Variants in ADARB2 observed in about 807,000 individuals in gnomAD.
ADARB2 encodes the protein adenosine deaminase RNA specific B2 (inactive).
A neutral mutation model predicts 62.2 loss-of-function variants in ADARB2; 25 were observed. The observed-to-expected ratio is 0.40, with a 90% confidence interval of 0.29 to 0.56. The LOEUF is 0.56. Among genes scored for constraint, ADARB2 ranks in the 20% least tolerant of loss-of-function variants. The pLI, the probability that ADARB2 is intolerant of heterozygous loss-of-function variation, is 0.43. For missense variants in ADARB2, 1,071 were observed against 1,077.4 expected (o/e 0.99, Z 0.08); for synonymous variants, 572 against 500.8 (o/e 1.14, Z -1.90).
chr10:1,583,955 G>C (rs1453151823), intron 1 of ADARB2, among the ~76,000 whole-genome samples: 1 of 152,130 alleles, frequency 6.6e-6, no homozygotes, highest in Admixed American at 6.5e-5. Context: ...AATGAGTCCA[G>C]ACACAAATCT....
At chr10:1,290,872 G>GTTTTT (rs1042427247) in intron 3 of ADARB2, 1 of 152,154 alleles carries the variant, frequency 6.6e-6, no homozygotes, top group African/African-American at 2.4e-5. Context: ...GCATATTTCT[G>GTTTTT]TTTTTTTGTG....
At chr10:1,310,450 G>T (rs950852715) in intron 3 of ADARB2, among the ~76,000 whole-genome samples, 2 of 152,216 alleles carry the variant, frequency 1.3e-5, no homozygotes, top group Non-Finnish European at 1.5e-5. Context: ...TTCCTTGGAT[G>T]AAAGAAAAAC....
At chr10:1,720,086 C>T (rs573599410) in intron 1 of ADARB2, among the ~76,000 whole-genome samples, 4 of 152,138 alleles carry the variant, frequency 2.6e-5, no homozygotes, top group South Asian at 2.1e-4. Flanking sequence ...ATATGTTCAT[C>T]GCAGCACTAT....
At chr10:1,530,853 TCAGCACTCAGGTCTCAGCACTCAGCACC>T (rs1401894099) in intron 1 of ADARB2, among the ~76,000 whole-genome samples, 5 of 150,714 alleles carry the variant, frequency 3.3e-5, no homozygotes, top group African/African-American at 7.3e-5. Flanking sequence ...GTCTCAGCAC[TCAGCACTCAGGTCTCAGCACTCAGCACC>T]CAGCACTCAG....
At chr10:1,672,261 G>A (rs1222755341) in intron 1 of ADARB2, among the ~76,000 whole-genome samples, 2 of 152,166 alleles carry the variant, frequency 1.3e-5, no homozygotes, top group Non-Finnish European at 2.9e-5. Context: ...TGGACTGCGG[G>A]CTGCCCAGGG....
intron 1 of ADARB2, among the ~76,000 whole-genome samples, chr10:1,544,702 T>C (rs1832492027): frequency 1.3e-5 from 2 of 152,052 alleles, no homozygotes; most frequent in Admixed American, 6.6e-5. Flanking sequence ...GTACATACAG[T>C]GTGAAATGTA....
At chr10:1,563,938 T>C (rs1433527083) in intron 1 of ADARB2, among the ~76,000 whole-genome samples, 1 of 150,268 alleles carries the variant, frequency 6.7e-6, no homozygotes, top group Non-Finnish European at 1.5e-5. Flanking sequence ...ATTTCATCCA[T>C]GTCCCTACAA....
intron 1 of ADARB2, among the ~76,000 whole-genome samples, chr10:1,431,389 A>G (rs7910495): frequency 0.024 from 3,716 of 152,290 alleles, 114 homozygotes; most frequent in African/African-American, 0.075. Context: ...GAACCAAATG[A>G]AAATGAAAAT....
At chr10:1,528,144 G>A (rs1832172901) in intron 1 of ADARB2, among the ~76,000 whole-genome samples, 1 of 152,332 alleles carries the variant, frequency 6.6e-6, no homozygotes, top group East Asian at 1.9e-4. Flanking sequence ...TGTGGGCTAC[G>A]TTCTCGCCAA....
chr10:1,612,388 AAGGAGGC>A (rs1237561601), intron 1 of ADARB2, among the ~76,000 whole-genome samples: 1 of 152,228 alleles, frequency 6.6e-6, no homozygotes, highest in Non-Finnish European at 1.5e-5. Context: ...GGCTGGACAT[AAGGAGGC>A]GGTCACAACG....
intron 1 of ADARB2, among the ~76,000 whole-genome samples, chr10:1,435,437 C>T (rs1830824506): frequency 6.6e-6 from 1 of 151,182 alleles, no homozygotes; most frequent in African/African-American, 2.5e-5. Context: ...GTTCCTTCCG[C>T]TTGAGGGCAG....
At chr10:1,735,804 G>A (rs1835292755) in intron 1 of ADARB2, among the ~76,000 whole-genome samples, 1 of 152,170 alleles carries the variant, frequency 6.6e-6, no homozygotes, top group Non-Finnish European at 1.5e-5. Context: ...CCTGACGTTC[G>A]GTCATAATGA....
intron 1 of ADARB2, among the ~76,000 whole-genome samples, chr10:1,503,733 C>A (rs1042737273): frequency 6.6e-6 from 1 of 152,092 alleles, no homozygotes; most frequent in Non-Finnish European, 1.5e-5. Flanking sequence ...CCTCTTGGTG[C>A]TGACCTCGTG....
intron 1 of ADARB2, among the ~76,000 whole-genome samples, chr10:1,729,301 A>C (rs948085630): frequency 6.6e-6 from 1 of 152,244 alleles, no homozygotes; most frequent in African/African-American, 2.4e-5. Context: ...TTAATTGTAC[A>C]CATCAGATAG....
intron 1 of ADARB2, among the ~76,000 whole-genome samples, chr10:1,528,205 T>C (rs558142213): frequency 2.0e-5 from 3 of 152,338 alleles, no homozygotes; most frequent in African/African-American, 7.2e-5. Flanking sequence ...AATGTTACTG[T>C]GCGATACAGC....
chr10:1,429,720 A>T (rs1830760499), intron 1 of ADARB2, among the ~76,000 whole-genome samples: 1 of 152,226 alleles, frequency 6.6e-6, no homozygotes, highest in African/African-American at 2.4e-5. Context: ...CACCATACTT[A>T]TTAAGACAGT....
intron 1 of ADARB2, among the ~76,000 whole-genome samples, chr10:1,676,361 G>A (rs1834466579): frequency 1.3e-5 from 2 of 152,108 alleles, no homozygotes. Context: ...CCTGGCTTGT[G>A]AACCATTGAC....
intron 1 of ADARB2, among the ~76,000 whole-genome samples, chr10:1,675,675 G>A (rs1834458939): frequency 6.6e-6 from 1 of 150,758 alleles, no homozygotes; most frequent in African/African-American, 2.4e-5. Flanking sequence ...GTTTGGGTTT[G>A]GGGGTTCATG....
intron 1 of ADARB2, among the ~76,000 whole-genome samples, chr10:1,534,338 G>A (rs912622410): frequency 1.3e-5 from 2 of 152,054 alleles, no homozygotes; most frequent in South Asian, 2.1e-4. Flanking sequence ...GGGCTTCACC[G>A]TGTTGGCCAG....
Sources: allele counts gnomAD v4.1 joint callset (sites outside exome capture counted in the v4.1 genomes callset), GRCh38; gene constraint gnomAD v4.1.1; transcripts MANE v1.5; gene names NCBI Gene and HGNC (gene_info 2026-07-23, HGNC 2026-07-21).